The following IGSF8 variants were observed in gnomAD, a reference collection of about 807,000 sequenced individuals.
IGSF8 encodes CD81 partner 3.
Under a neutral mutation model 55.5 loss-of-function variants are expected in IGSF8, and 46 were observed. That is an observed-to-expected ratio of 0.83 (90% CI 0.65 to 1.06). IGSF8 has a LOEUF of 1.06. Ranked by LOEUF, IGSF8 falls within the 50% of genes least tolerant of loss-of-function variation. IGSF8 has a pLI of 0.00. For synonymous variants in IGSF8, 314 were observed against 356.1 expected (o/e 0.88, Z 1.33); for missense variants, 731 against 832.3 (o/e 0.88, Z 1.50).
rs769912367 is a variant in IGSF8, at chr1:160,091,521, A to G, written c.*103T>C. 5.6e-6 allele frequency: 2 copies of G among 355,662 alleles called. No homozygotes were observed. The highest frequency in any genetic ancestry group is 1.1e-5 in the Non-Finnish European group (2 of 190,408). 22.0% of individuals were successfully genotyped at this position (355,662 alleles called of 1,614,324 possible). ...TGGGTAGTGGGAGGTCAAATAAATT[A>G]AAGGAAGAGTGGACAGAGGGAGAGG... On this transcript the variant is annotated 3_prime_UTR_variant, in exon 7 of 7. Coordinates refer to ENST00000314485, the MANE Select transcript of IGSF8 (RefSeq NM_052868.6).
chr1:160,098,953 C>T (rs1438163336), upstream of IGSF8: 3 of 103,268 alleles, frequency 2.9e-5, no homozygotes, highest in Non-Finnish European at 6.1e-5. Flanking sequence ...CGGCCCCTCC[C>T]CCGCCCCGCC....
In IGSF8 at chr1:160,095,728, T is replaced by C. The variant is rs537252708; in HGVS notation, c.65-482A>G. Among the ~76,000 whole-genome samples the C allele has an allele frequency of 6.8e-4, 103 of 152,352 alleles. No individual in the cohort carries two copies. In the Middle Eastern group the frequency reaches 0.014, roughly 20 times the overall value. ...TCAGAAGTGCTAGTTGGCTCAGCTG[T>C]GTCACCTGGGCGAGACAATGGAGCC... On this transcript the variant is annotated intron_variant, in intron 1 of 6. Coordinates refer to ENST00000314485, the MANE Select transcript of IGSF8 (RefSeq NM_052868.6).
intron 1 of IGSF8, chr1:160,097,895 G>A: frequency 1.0e-6 from 1 of 985,406 alleles, no homozygotes. Flanking sequence ...ATGGGGGTGA[G>A]AGAGGGAACT....
intron 4 of IGSF8, 43 bp downstream of exon 4, chr1:160,092,881 T>A: frequency 6.4e-7 from 1 of 1,555,240 alleles, no homozygotes; most frequent in Non-Finnish European, 8.7e-7. Context: ...GGAAAAGGGG[T>A]TGACAATCCT....
At position 160,093,790 on chromosome 1, in the gene IGSF8, C is replaced by T. The variant is rs1388822644; in HGVS notation, c.824G>A (p.Trp275Ter). The change falls in exon 3 of 7, where the codon TGG becomes TAG. Residue 275 changes from tryptophan to a stop codon, truncating the protein, a stop_gained. Transcript: ENST00000314485. LOFTEE classifies it high-confidence loss of function. ...CCAGCTGCCATCAGGATCCTGAATC[C>T]ACTCAGCGGCAGTGCAGTGGTAGGT... ...AGTYHCTAAE[W>*]IQDPDGSWAQ... 6.2e-7 allele frequency: 1 copy of T among 1,614,070 alleles called. No homozygotes were observed. The highest frequency in any genetic ancestry group is 8.5e-7 in the Non-Finnish European group (1 of 1,179,962).
At position 160,092,597 on chromosome 1, in the gene IGSF8, G is replaced by A. The variant is rs757499252; in HGVS notation, c.1411C>T (p.Pro471Ser). The change falls in exon 5 of 7, where the codon CCA (proline) becomes TCA (serine). Residue 471 changes from proline (P) to serine (S), a missense_variant. Coordinates refer to ENST00000314485, the MANE Select transcript of IGSF8 (RefSeq NM_052868.6). ...LCNISVRGGP[P>S]GLRLAASWWV... The stretch of plus-strand genomic sequence containing the variant: ...CAGCTGGCGGCCAGCCGCAGTCCTG[G>A]GGGGCCACCCCGCACAGAGATGTTG... The A allele has an allele frequency of 8.1e-6, 13 of 1,607,966 alleles. No homozygotes were observed. In the African/African-American group the frequency reaches 1.1e-4, roughly 13 times the overall value.
chr1:160,098,500 CG>C lies in IGSF8; in HGVS notation c.-29del. ...TGCGCGGCCAGCTCTGGGGAGGCTC[CG>C]GGGGATGGCGCGGGTTCTGGGGGGC... is the stretch of plus-strand genomic sequence containing the variant. On this transcript the variant is annotated 5_prime_UTR_variant, in exon 1 of 7. Coordinates refer to ENST00000314485, the MANE Select transcript of IGSF8 (RefSeq NM_052868.6). 2 of 1,324,994 alleles carry C rather than the reference CG, an allele frequency of 1.5e-6. No homozygotes were observed. Among genetic ancestry groups the C allele is most frequent in the Non-Finnish European group, 9.8e-7 (1 of 1,022,984 alleles). The allele number at this position is 1,324,994 out of a possible 1,614,324, so 82.1% of individuals were successfully genotyped here.
In IGSF8 at chr1:160,094,083, A is replaced by G. The variant is rs763498891; in HGVS notation, c.531T>C (p.His177=). 6.2e-7 allele frequency: 1 copy of G among 1,612,360 alleles called. No individual in the cohort carries two copies. Among genetic ancestry groups the G allele is most frequent in the Non-Finnish European group, 8.5e-7 (1 of 1,179,968 alleles). ...APTSPPRMTV[H]EGQELALGCL... ...AGCCCAGTGCCAGCTCCTGCCCCTC[A>G]TGCACCGTCATGCGTGGGGGTGAGG... Residue 177 remains histidine, a synonymous_variant, in exon 3 of 7, where the codon CAT becomes CAC. Coordinates refer to ENST00000314485, the MANE Select transcript of IGSF8 (RefSeq NM_052868.6). This position sits in a 1 kb window ranked among gnomAD's most constrained non-coding sequence, Gnocchi z 4.0.
intron 1 of IGSF8, among the ~76,000 whole-genome samples, chr1:160,095,926 CCCCTCCTCCAGTG>C (rs1039824963): frequency 2.0e-5 from 3 of 152,230 alleles, no homozygotes; most frequent in African/African-American, 7.2e-5. Flanking sequence ...GGCAGAAGAT[CCCCTCCTCCAGTG>C]CCTGCCAACC....
rs766194543 is a variant in IGSF8, at chr1:160,092,348, C to T, written c.1660G>A (p.Asp554Asn). Residue 554 changes from aspartate to asparagine, a missense_variant, in exon 5 of 7, where the codon GAC (aspartate) becomes AAC (asparagine). Coordinates refer to ENST00000314485, the MANE Select transcript of IGSF8 (RefSeq NM_052868.6). ...CAPSAWVQHADYSWYQAGSAR... is the reference protein window; with the variant it reads ...CAPSAWVQHANYSWYQAGSAR... ...CTGCCCGCCTGGTACCAGCTGTAGT[C>T]GGCATGCTGCACCCAGGCGCTGGGG... is the stretch of plus-strand genomic sequence containing the variant. 25 of 1,613,860 alleles carry T rather than the reference C, an allele frequency of 1.5e-5. No homozygotes were observed. Among genetic ancestry groups the T allele is most frequent in the African/African-American group, 6.7e-5 (5 of 74,926 alleles).
Position 160,094,090 on chromosome 1 carries a change from G to A in IGSF8, c.524C>T (p.Thr175Met), listed in dbSNP as rs2295620. Residue 175 changes from threonine to methionine, a missense_variant, in exon 3 of 7, where the codon ACG (threonine) becomes ATG (methionine). Thr to Met is a moderately conservative substitution (Grantham distance 81). Transcript: ENST00000314485. The surrounding 1 kb of genome is among the most constrained non-coding windows in gnomAD (Gnocchi z 4.0). ...TGCCAGCTCCTGCCCCTCATGCACCGTCATGCGTGGGGGTGAGGTTGGGGC... is the reference window on the plus strand; with the variant it reads ...TGCCAGCTCCTGCCCCTCATGCACCATCATGCGTGGGGGTGAGGTTGGGGC... ...RQAPTSPPRM[T>M]VHEGQELALG... 2.8e-4 allele frequency: 457 copies of A among 1,612,034 alleles called. 1 individual carries two copies. In the East Asian group the frequency reaches 3.8e-3, roughly 13 times the overall value.
At position 160,094,631 on chromosome 1, in the gene IGSF8, C is replaced by A. The variant is rs12063244; in HGVS notation, c.442+238G>T. 0.017 allele frequency among the ~76,000 whole-genome samples: 2,595 copies of A among 152,154 alleles called. 81 individuals are homozygous for A. Among genetic ancestry groups the A allele is most frequent in the African/African-American group, 0.059 (2,444 of 41,458 alleles). On this transcript the variant is annotated intron_variant, in intron 2 of 6. Transcript: ENST00000314485. This position sits in a 1 kb window ranked among gnomAD's most constrained non-coding sequence, Gnocchi z 4.0. ...TGGACTGGACAACTTAAGGACATTT[C>A]TTCTCCCAGGAGGGGTCTTAATATG... is the stretch of plus-strand genomic sequence containing the variant.
In IGSF8 at chr1:160,095,221, C is replaced by G. The variant is rs760882661; in HGVS notation, c.90G>C (p.Val30=). The G allele has an allele frequency of 6.2e-7, 1 of 1,604,418 alleles. No homozygotes were observed. The highest frequency in any genetic ancestry group is 2.2e-5 in the East Asian group (1 of 44,876). Residue 30 remains valine, a synonymous_variant, in exon 2 of 7, where the codon GTG becomes GTC. Coordinates refer to ENST00000314485, the MANE Select transcript of IGSF8 (RefSeq NM_052868.6). ...MLGMGCWARE[V]LVPEGPLYRV... ...GGTACAAGGGCCCCTCGGGGACCAG[C>G]ACCTCCCGGGCCCAGCATCCCATTC... is the stretch of plus-strand genomic sequence containing the variant.
At position 160,095,168 on chromosome 1, in the gene IGSF8, G is replaced by A. The variant is rs928902981; in HGVS notation, c.143C>T (p.Ser48Phe). Residue 48 changes from serine to phenylalanine, a missense_variant, in exon 2 of 7, where the codon TCC (serine) becomes TTC (phenylalanine). Physicochemically the swap from Ser to Phe is radical, Grantham distance 155 (BLOSUM62 -2). Transcript: ENST00000314485. ...YRVAGTAVSI[S>F]CNVTGYEGPA... ...GCCCTCATAGCCGGTCACATTGCAG[G>A]AGATGGAGACAGCTGTGCCAGCCAC... 1 of 1,612,790 alleles carries A rather than the reference G, an allele frequency of 6.2e-7. No individual in the cohort carries two copies. The highest frequency in any genetic ancestry group is 1.1e-5 in the South Asian group (1 of 91,086).
At position 160,092,555 on chromosome 1, in the gene IGSF8, C is replaced by A; in HGVS notation, c.1453G>T (p.Glu485Ter). ...GGGACAGAGCTGAGCTCTCCGTCCT[C>A]TGGTCGCTCCACCCACCAGCTGGCG... ...LAASWWVERPEDGELSSVPAQ... is the reference protein window; with the variant it reads ...LAASWWVERP Residue 485 changes from glutamate (E) to a stop codon, truncating the protein, a stop_gained, in exon 5 of 7, where the codon GAG (glutamate) becomes TAG (stop). Coordinates refer to ENST00000314485, the MANE Select transcript of IGSF8 (RefSeq NM_052868.6). LOFTEE classifies it high-confidence loss of function. 6.2e-7 allele frequency: 1 copy of A among 1,611,140 alleles called. No homozygotes were observed. Among genetic ancestry groups the A allele is most frequent in the African/African-American group, 1.3e-5 (1 of 75,068 alleles).
In IGSF8 at chr1:160,093,287, C is replaced by T. The variant is rs780271038; in HGVS notation, c.949G>A (p.Gly317Ser). ...AGCAGTTCCAAGGGCTCCCCTGGGC[C>T]GATCCGACGTTCACCAGGCCCCACT... Reference protein sequence around the residue: ...VTVGPGERRIGPGEPLELLCN... With the variant: ...VTVGPGERRISPGEPLELLCN... Residue 317 changes from glycine to serine, a missense_variant, in exon 4 of 7, where the codon GGC becomes AGC. Physicochemically the swap from Gly to Ser is moderately conservative, Grantham distance 56. Coordinates refer to ENST00000314485, the MANE Select transcript of IGSF8 (RefSeq NM_052868.6). 1.6e-5 allele frequency: 26 copies of T among 1,605,834 alleles called. No individual in the cohort carries two copies. In the East Asian group the frequency reaches 4.5e-4, roughly 28 times the overall value.
In IGSF8 at chr1:160,093,187, G is replaced by A. The variant is rs199760815; in HGVS notation, c.1049C>T (p.Ala350Val). The change falls in exon 4 of 7, where the codon GCG (alanine) becomes GTG (valine). Residue 350 changes from alanine to valine, a missense_variant. Physicochemically the swap from Ala to Val is moderately conservative, Grantham distance 64. Transcript: ENST00000314485. ...CAGGCGGCCGGGCCCAGGTGCCCCC[G>A]CAGGTGCCATCTCCCAACCTACAGA... ...AYSVGWEMAP[A>V]GAPGPGRLVA... 9.5e-5 allele frequency: 154 copies of A among 1,613,638 alleles called. No homozygotes were observed. The highest frequency in any genetic ancestry group is 8.3e-4 in the Middle Eastern group (5 of 6,058).
Position 160,095,256 on chromosome 1 carries a change from A to G in IGSF8, c.65-10T>C. 6.3e-7 allele frequency: 1 copy of G among 1,593,538 alleles called. No individual in the cohort carries two copies. Among genetic ancestry groups the G allele is most frequent in the Non-Finnish European group, 8.5e-7 (1 of 1,174,584 alleles). On this transcript the variant is annotated splice_polypyrimidine_tract_variant and intron_variant, in intron 1 of 6. Coordinates refer to ENST00000314485, the MANE Select transcript of IGSF8 (RefSeq NM_052868.6). ...GCCCAGCATCCCATTCCTGTAGGGA[A>G]AGGCAGAAGGAGTTGGAGATGCCTG...
At position 160,094,032 on chromosome 1, in the gene IGSF8, C is replaced by T. The variant is rs1369548577; in HGVS notation, c.582G>A (p.Lys194=). Residue 194 remains lysine, a synonymous_variant, in exon 3 of 7, where the codon AAG becomes AAA. Coordinates refer to ENST00000314485, the MANE Select transcript of IGSF8 (RefSeq NM_052868.6). The surrounding 1 kb of genome is among the most constrained non-coding windows in gnomAD (Gnocchi z 4.0). ...CAAAGGACACTGCCAGGTGTGTGTG[C>T]TTCTGTGTGCTTGTCCTCGCCAGGC... ...LGCLARTSTQ[K]HTHLAVSFGR... is the part of the protein sequence containing the mutation. The T allele has an allele frequency of 2.5e-6, 4 of 1,614,004 alleles. No homozygotes were observed. The highest frequency in any genetic ancestry group is 1.1e-5 in the South Asian group (1 of 91,094).
Sources: gnomAD v4.1 joint callset for allele counts (sites outside exome capture counted in the v4.1 genomes callset) on GRCh38, gnomAD v4.1.1 for gene constraint, Gnocchi (gnomAD v3.1) non-coding constraint, MANE v1.5 for transcripts, NCBI Gene and HGNC (gene_info 2026-07-23, HGNC 2026-07-21) for gene names.